COL17A1: variants seen among roughly 807,000 people sequenced by gnomAD.
The protein encoded by COL17A1 is collagen alpha-1(XVII) chain.
COL17A1 carries 181 observed loss-of-function variants against 218.4 expected under a neutral mutation model. That is an observed-to-expected ratio of 0.83 (90% CI 0.73 to 0.94). The LOEUF (loss-of-function observed/expected upper bound fraction) is 0.94. Ranked by LOEUF, COL17A1 falls within the 40% of genes least tolerant of loss-of-function variation. The pLI, the probability that COL17A1 is intolerant of heterozygous loss-of-function variation, is 0.00. For synonymous variants in COL17A1, 721 were observed against 731.0 expected, an observed-to-expected ratio of 0.99 and a Z score of 0.22; for missense variants, 1,924 against 1,945.9, an observed-to-expected ratio of 0.99 and a Z score of 0.21.
chr10:104,049,601 G>C, intron 28 of COL17A1, 130 bp from the exon 29 acceptor site: 2 of 884,346 alleles, frequency 2.3e-6, no homozygotes, highest in Non-Finnish European at 3.7e-6. Context: ...AGGGCCACTT[G>C]GAACCCCTGG....
chr10:104,050,259 G>T, intron 27 of COL17A1, 135 bp from the exon 28 acceptor site: 1 of 1,332,044 alleles, frequency 7.5e-7, no homozygotes, highest in Non-Finnish European at 1.0e-6. Flanking sequence ...TGTTGGTGAG[G>T]ACACAGCATT....
chr10:104,038,768 G>A (rs2086328308), intron 44 of COL17A1, among the ~76,000 whole-genome samples: 2 of 152,044 alleles, frequency 1.3e-5, no homozygotes, highest in Admixed American at 1.3e-4. Flanking sequence ...TCTGCAACCT[G>A]CTGAAGGACC....
At chr10:104,055,130 C>T (rs993785477) in intron 19 of COL17A1, 123 bp from the exon 20 acceptor site, 38 of 1,537,996 alleles carry the variant, frequency 2.5e-5, no homozygotes, top group East Asian at 4.7e-5. Flanking sequence ...CGACATGCGG[C>T]GAGTCCCTCC....
Position 104,063,573 on chromosome 10 carries a change from T to A in COL17A1, c.838+174A>T. 4 of 1,025,240 alleles carry A rather than the reference T, an allele frequency of 3.9e-6. No individual in the cohort carries two copies. The South Asian group carries it at 5.5e-5, about 14-fold the overall frequency. 63.5% of individuals were successfully genotyped at this position (1,025,240 alleles called of 1,614,324 possible). Reference sequence around the variant, plus strand: ...GCTCACGTCCCCTCGCCTGAGACTTTTCCCTTGGGGTCTGAGTTCTCCCTG... The same window carrying A: ...GCTCACGTCCCCTCGCCTGAGACTTATCCCTTGGGGTCTGAGTTCTCCCTG... On this transcript the variant is annotated intron_variant, in intron 11 of 55. Transcript: ENST00000648076.
intron 10 of COL17A1, 117 bp from the exon 11 acceptor site, chr10:104,063,935 A>G: frequency 1.3e-6 from 2 of 1,482,564 alleles, no homozygotes; most frequent in Non-Finnish European, 1.8e-6. Context: ...ATATTTTGGT[A>G]AATTTTTGTT....
At chr10:104,064,153 G>A (rs750340231) in intron 10 of COL17A1, among the ~76,000 whole-genome samples, 2 of 152,170 alleles carry the variant, frequency 1.3e-5, no homozygotes, top group Non-Finnish European at 2.9e-5. Context: ...AGGCTCCACC[G>A]TCAATTCATA....
Position 104,064,343 on chromosome 10 carries a change from C to T in COL17A1, c.766+95G>A, listed in dbSNP as rs527945195. ...CCACAGAAAGCCTCTCCAGGAGGCCCTGAGGATGGCAAACATTCTGAGGGT... is the reference window on the plus strand; with the variant it reads ...CCACAGAAAGCCTCTCCAGGAGGCCTTGAGGATGGCAAACATTCTGAGGGT... On this transcript the variant is annotated intron_variant, in intron 10 of 55. Transcript: ENST00000648076. 14 of 1,595,590 alleles carry T rather than the reference C, an allele frequency of 8.8e-6. No individual in the cohort carries two copies. In the African/African-American group the frequency reaches 1.9e-4, roughly 21 times the overall value.
chr10:104,055,566 A>G lies in COL17A1; in HGVS notation c.1688-165T>C, dbSNP rs805693. Among the ~76,000 whole-genome samples, 118,531 of 151,762 alleles carry G rather than the reference A, an allele frequency of 0.78. 46,439 individuals are homozygous for G. The highest frequency in any genetic ancestry group is 0.82 in the Non-Finnish European group (55,490 of 67,964). ...AAATTTGGCTAGTCCAGTGATCTTG[A>G]GCAATTATTCTTTCCAGAACTCAGT... On this transcript the variant is annotated intron_variant, in intron 18 of 55. Coordinates refer to ENST00000648076, the MANE Select transcript of COL17A1 (RefSeq NM_000494.4).
At chr10:104,055,167 C>T in intron 19 of COL17A1, 160 bp from the exon 20 acceptor site, 1 of 1,462,128 alleles carries the variant, frequency 6.8e-7, no homozygotes, top group Non-Finnish European at 9.4e-7. Flanking sequence ...GTCATTTGGG[C>T]TCATTGCTGG....
At chr10:104,080,707 T>C (rs1326666449) in intron 1 of COL17A1, 23 bp from the exon 2 acceptor site, 1 of 1,611,904 alleles carries the variant, frequency 6.2e-7, no homozygotes, top group Non-Finnish European at 8.5e-7. Context: ...TCAGAAACCA[T>C]GATAGTCATA....
At position 104,037,723 on chromosome 10, in the gene COL17A1, G is replaced by A. The variant is rs545044514; in HGVS notation, c.3121C>T (p.Pro1041Ser). 1.9e-6 allele frequency: 3 copies of A among 1,614,152 alleles called. No homozygotes were observed. The highest frequency in any genetic ancestry group is 2.2e-5 in the East Asian group (1 of 44,872). ...LSGVQGPPGPPGPPGPVTTIT... is the reference protein window; with the variant it reads ...LSGVQGPPGPSGPPGPVTTIT... The stretch of plus-strand genomic sequence containing the variant: ...GTGGTGACAGGTCCTGGGGGACCAG[G>A]TGGGCCTGGGGGACCCTGAACTCCG... Residue 1041 changes from proline to serine, a missense_variant, in exon 46 of 56, where the codon CCT becomes TCT. By Grantham distance (74) the Pro-to-Ser change is moderately conservative. Transcript: ENST00000648076.
rs2086258710 is a variant in COL17A1, at chr10:104,034,765, C to T, written c.3622G>A (p.Ala1208Thr). 6.2e-7 allele frequency: 1 copy of T among 1,612,148 alleles called. No homozygotes were observed. Among genetic ancestry groups the T allele is most frequent in the South Asian group, 1.1e-5 (1 of 90,498 alleles). ...VEDLSSYLHT[A>T]GLSFIPGPPG... is the part of the protein sequence containing the mutation. Reference sequence around the variant, plus strand: ...GGGCCTGGGATGAATGACAAGCCGGCAGCTGGGCAGAAGGAAGAGAAAGAA... The same window carrying T: ...GGGCCTGGGATGAATGACAAGCCGGTAGCTGGGCAGAAGGAAGAGAAAGAA... Residue 1208 changes from alanine to threonine, a missense_variant and splice_region_variant, in exon 51 of 56, where the codon GCC becomes ACC. By Grantham distance (58) the Ala-to-Thr change is moderately conservative. Coordinates refer to ENST00000648076, the MANE Select transcript of COL17A1 (RefSeq NM_000494.4).
chr10:104,067,334 T>TA (rs58260510), intron 9 of COL17A1, among the ~76,000 whole-genome samples: 13,082 of 110,316 alleles, frequency 0.12, 1,128 homozygotes, highest in African/African-American at 0.17. Flanking sequence ...GGCTCAGGAA[T>TA]AAAAAAAAAA....
At position 104,036,716 on chromosome 10, in the gene COL17A1, GC is replaced by G. The variant is rs1434750930; in HGVS notation, c.3278-85del. On this transcript the variant is annotated intron_variant, in intron 47 of 55. Coordinates refer to ENST00000648076, the MANE Select transcript of COL17A1 (RefSeq NM_000494.4). ...ATCCAGCCACAGCCTGGGCTCCCCT[GC>G]ACAAACTGGCTCCTGCGTGACATTT... 3.3e-6 allele frequency: 5 copies of G among 1,511,180 alleles called. No individual in the cohort carries two copies. The South Asian group carries it at 5.8e-5, about 18-fold the overall frequency. The allele number at this position is 1,511,180 out of a possible 1,614,324, so 93.6% of individuals were successfully genotyped here. A position where few individuals can be genotyped will look rare whatever the true frequency, so the allele number is the denominator to read the frequency against.
rs538604469 is a variant in COL17A1, at chr10:104,052,317, A to C, written c.1940-100T>G. The C allele has an allele frequency of 1.8e-5, 27 of 1,510,930 alleles. No individual in the cohort carries two copies. The South Asian group carries it at 2.9e-4, about 16-fold the overall frequency. 93.6% of individuals were successfully genotyped at this position (1,510,930 alleles called of 1,614,324 possible). ...TGGAGGGGATGCTTCCCACCCTGCT[A>C]GTGGTCTTGGATCCATTTGGTGCCC... On this transcript the variant is annotated intron_variant, in intron 23 of 55. Coordinates refer to ENST00000648076, the MANE Select transcript of COL17A1 (RefSeq NM_000494.4).
intron 9 of COL17A1, among the ~76,000 whole-genome samples, chr10:104,070,030 G>A (rs2086656653): frequency 6.6e-6 from 1 of 152,180 alleles, no homozygotes; most frequent in Non-Finnish European, 1.5e-5. Flanking sequence ...CCCTTCATTA[G>A]GGGTGGATAT....
rs917858117 is a variant in COL17A1, at chr10:104,074,490, C to G, written c.332-259G>C. Among the ~76,000 whole-genome samples the G allele has an allele frequency of 3.3e-5, 5 of 152,184 alleles. No homozygotes were observed. In the East Asian group the frequency reaches 9.6e-4, roughly 29 times the overall value. On this transcript the variant is annotated intron_variant, in intron 5 of 55. Transcript: ENST00000648076. ...TGAGGCAGGGATGAACAAAGGAGAGCAGGAGGTTTTGGTTTCTTTCTTTTT... is the reference window on the plus strand; with the variant it reads ...TGAGGCAGGGATGAACAAAGGAGAGGAGGAGGTTTTGGTTTCTTTCTTTTT...
At position 104,053,944 on chromosome 10, in the gene COL17A1, G is replaced by T; in HGVS notation, c.1810C>A (p.Pro604Thr). The T allele has an allele frequency of 6.2e-7, 1 of 1,607,084 alleles. No individual in the cohort carries two copies. The highest frequency in any genetic ancestry group is 2.2e-5 in the East Asian group (1 of 44,850). ...CCCACGCTGCCTTTTTGACCCTTTG[G>T]TCCTTGTGGACCTGGGTGGCCCAAG... Reference protein sequence around the residue: ...GPLGHPGPQGPKGQKGSVGDP... With the variant: ...GPLGHPGPQGTKGQKGSVGDP... The change falls in exon 22 of 56, where the codon CCA (proline) becomes ACA (threonine). Residue 604 changes from proline to threonine, a missense_variant. Coordinates refer to ENST00000648076, the MANE Select transcript of COL17A1 (RefSeq NM_000494.4).
At chr10:104,076,623 C>G (rs2086713158) in intron 4 of COL17A1, among the ~76,000 whole-genome samples, 194 bp from the exon 5 acceptor site, 1 of 152,174 alleles carries the variant, frequency 6.6e-6, no homozygotes, top group East Asian at 1.9e-4. Flanking sequence ...GAACGTCCTT[C>G]CTGTGCATGG....
Sources: allele counts gnomAD v4.1 joint callset (sites outside exome capture counted in the v4.1 genomes callset), GRCh38; gene constraint gnomAD v4.1.1; transcripts MANE v1.5; gene names NCBI Gene and HGNC (gene_info 2026-07-23, HGNC 2026-07-21).